GABRG3: variants seen among roughly 807,000 people sequenced by gnomAD.
GABRG3 encodes gamma-aminobutyric acid type A receptor subunit gamma3, also known as gamma-aminobutyric acid receptor subunit gamma-3.
In GABRG3, 25 loss-of-function variants were observed where a neutral mutation model predicts 48.8. That is an observed-to-expected ratio of 0.51 (90% CI 0.37 to 0.72). The LOEUF is 0.72. GABRG3 is among the 30% of genes least tolerant of loss of function. The pLI, the probability that GABRG3 is intolerant of heterozygous loss-of-function variation, is 0.00. For missense variants in GABRG3, 394 were observed against 577.9 expected (o/e 0.68, Z 3.26); for synonymous variants, 227 against 217.6 (o/e 1.04, Z -0.38).
In GABRG3 at chr15:27,527,557, G is replaced by A. The variant is rs758920161; in HGVS notation, c.990G>A (p.Ala330=). 3.1e-6 allele frequency: 5 copies of A among 1,613,844 alleles called. No individual in the cohort carries two copies. The highest frequency in any genetic ancestry group is 2.2e-5 in the South Asian group (2 of 91,056). The change falls in exon 8 of 10, where the codon GCG becomes GCA. Residue 330 remains alanine (A), a synonymous_variant. Coordinates refer to ENST00000615808, the MANE Select transcript of GABRG3 (RefSeq NM_033223.5). ...TGTGCTTCCTGTTTGTCTTCGCCGC[G>A]CTGATGGAGTATGCCACCCTCAACT... The part of the protein sequence containing the change: ...VTVCFLFVFA[A]LMEYATLNYY...
At chr15:27,161,593 G>C (rs1184455068) in intron 3 of GABRG3, among the ~76,000 whole-genome samples, 1 of 152,034 alleles carries the variant, frequency 6.6e-6, no homozygotes, top group Non-Finnish European at 1.5e-5. Context: ...CAAGTTATTT[G>C]CTTATTTAAA....
intron 5 of GABRG3, among the ~76,000 whole-genome samples, chr15:27,366,655 G>T (rs982939564): frequency 2.0e-5 from 3 of 152,054 alleles, no homozygotes; most frequent in African/African-American, 7.2e-5. Flanking sequence ...GGTGAGAGGA[G>T]TCCTGGTCCT....
At chr15:27,134,681 T>C (rs530844353) in intron 3 of GABRG3, among the ~76,000 whole-genome samples, 1 of 152,218 alleles carries the variant, frequency 6.6e-6, no homozygotes, top group African/African-American at 2.4e-5. Context: ...GTTTTGAAGG[T>C]GTCGCTAAAG....
At chr15:27,215,212 G>A (rs1400911147) in intron 3 of GABRG3, among the ~76,000 whole-genome samples, 1 of 152,168 alleles carries the variant, frequency 6.6e-6, no homozygotes, top group Non-Finnish European at 1.5e-5. Flanking sequence ...TCTGAAGGAG[G>A]AAGAGGAGTC....
At chr15:27,012,001 C>A (rs1240313639) in intron 2 of GABRG3, among the ~76,000 whole-genome samples, 2 of 152,104 alleles carry the variant, frequency 1.3e-5, no homozygotes, top group African/African-American at 2.4e-5. Context: ...CTTACTTTTT[C>A]TGCTGCTCTT....
rs372596840 is a variant in GABRG3 at position 27,319,762 on chromosome 15, C to G, written c.271-7047C>G. On this transcript the variant is annotated intron_variant, in intron 3 of 9. Transcript: ENST00000615808. This position sits in a 1 kb window ranked among gnomAD's most constrained non-coding sequence, Gnocchi z 4.4. ...TAACGGGTTGGTTTGTAAGCAAGCA[C>G]GATACACGGAGCCTTGAGTATCATG... Among the ~76,000 whole-genome samples, 2 of 152,046 alleles carry G rather than the reference C, an allele frequency of 1.3e-5. No homozygotes were observed. The highest frequency in any genetic ancestry group is 4.2e-4 in the South Asian group (2 of 4,818).
chr15:27,077,145 G>T (rs575454170), intron 3 of GABRG3, among the ~76,000 whole-genome samples: 1 of 152,252 alleles, frequency 6.6e-6, no homozygotes, highest in African/African-American at 2.4e-5. Context: ...CAAACCATGG[G>T]CAGTCTTAGC....
intron 5 of GABRG3, among the ~76,000 whole-genome samples, chr15:27,369,540 G>A (rs747472655): frequency 2.0e-5 from 3 of 152,226 alleles, no homozygotes; most frequent in Middle Eastern, 3.4e-3. Context: ...GGTATTGGCC[G>A]GGCGCGGTGG....
At chr15:27,015,589 G>C (rs890725339) in intron 2 of GABRG3, among the ~76,000 whole-genome samples, 1 of 151,468 alleles carries the variant, frequency 6.6e-6, no homozygotes, top group African/African-American at 2.4e-5. Flanking sequence ...GGGTTTCACC[G>C]TGTTAGCCAG....
intron 3 of GABRG3, among the ~76,000 whole-genome samples, chr15:27,030,438 C>T (rs1340320300): frequency 6.6e-6 from 1 of 152,084 alleles, no homozygotes; most frequent in Non-Finnish European, 1.5e-5. Context: ...CTTGTTTATC[C>T]TGGAGCTGTT....
intron 3 of GABRG3, among the ~76,000 whole-genome samples, chr15:27,317,595 G>A (rs151162182): frequency 8.2e-4 from 125 of 152,276 alleles, no homozygotes; most frequent in African/African-American, 2.5e-3. Flanking sequence ...AGCATGTTCA[G>A]TCTAAATATT....
chr15:27,201,738 T>C (rs1245666849), intron 3 of GABRG3, among the ~76,000 whole-genome samples: 2 of 152,274 alleles, frequency 1.3e-5, no homozygotes, highest in Admixed American at 6.5e-5. Flanking sequence ...GTGCTGTTTA[T>C]AATCGGAACA....
intron 3 of GABRG3, among the ~76,000 whole-genome samples, chr15:27,185,191 A>G (rs898025917): frequency 4.6e-5 from 7 of 152,110 alleles, no homozygotes; most frequent in African/African-American, 9.7e-5. Flanking sequence ...TCTCTCAACA[A>G]TGCTTTAGCT....
intron 6 of GABRG3, among the ~76,000 whole-genome samples, chr15:27,488,954 C>T (rs943134930): frequency 4.6e-5 from 7 of 152,014 alleles, no homozygotes; most frequent in East Asian, 1.9e-4. Flanking sequence ...TAGGTATACA[C>T]GTGCCATGGT....
chr15:27,425,042 G>A (rs1888248616), intron 5 of GABRG3, among the ~76,000 whole-genome samples: 1 of 152,110 alleles, frequency 6.6e-6, no homozygotes, highest in South Asian at 2.1e-4. Context: ...GGAATCTCTG[G>A]ACATCAAGGC....
At chr15:27,297,268 A>C (rs1470537569) in intron 3 of GABRG3, among the ~76,000 whole-genome samples, 1 of 152,132 alleles carries the variant, frequency 6.6e-6, no homozygotes. Flanking sequence ...TTATTGAATA[A>C]ATAAAAATAT....
At position 27,173,479 on chromosome 15, in the gene GABRG3, A is replaced by G. The variant is rs890578000; in HGVS notation, c.270+146658A>G. 2.0e-5 allele frequency among the ~76,000 whole-genome samples: 3 copies of G among 152,178 alleles called. No individual in the cohort carries two copies. In the East Asian group the frequency reaches 5.8e-4, roughly 29 times the overall value. ...ATTCTGAACAGCATTCCTCGCTCCA[A>G]AATATTTTAAGAGTTTTCTTTTCAC... On this transcript the variant is annotated intron_variant, in intron 3 of 9. Transcript: ENST00000615808.
intron 3 of GABRG3, among the ~76,000 whole-genome samples, chr15:27,242,424 C>A (rs2140454427): frequency 6.6e-6 from 1 of 152,250 alleles, no homozygotes; most frequent in Admixed American, 6.5e-5. Context: ...TTGTCTCTAA[C>A]CAAATTATTA....
At chr15:27,112,447 T>TTC (rs1897569395) in intron 3 of GABRG3, among the ~76,000 whole-genome samples, 2 of 151,350 alleles carry the variant, frequency 1.3e-5, no homozygotes. Context: ...CATTGATTTT[T>TTC]TTTTTTTTTT....
Sources: allele counts gnomAD v4.1 joint callset (sites outside exome capture counted in the v4.1 genomes callset), GRCh38; gene constraint gnomAD v4.1.1; non-coding constraint Gnocchi (gnomAD v3.1); transcripts MANE v1.5; gene names NCBI Gene and HGNC (gene_info 2026-07-23, HGNC 2026-07-21).